Variants in ZCWPW2 observed in about 807,000 individuals in gnomAD.
ZCWPW2 encodes zinc finger CW-type and PWWP domain containing 2, also known as zinc finger CW-type PWWP domain protein 2.
A neutral mutation model predicts 46.6 loss-of-function variants in ZCWPW2; 45 were observed. That is an observed-to-expected ratio of 0.96 (90% CI 0.76 to 1.24). The LOEUF (loss-of-function observed/expected upper bound fraction) is 1.24, where lower values mean the gene tolerates loss of function less well. ZCWPW2 is among the 50% of genes most tolerant of loss of function. The pLI is 0.00. For synonymous variants in ZCWPW2, 152 were observed against 137.1 expected (o/e 1.11, Z -0.76); for missense variants, 429 against 403.9 (o/e 1.06, Z -0.53).
chr3:28,442,578 G>T (rs1020564415), intron 4 of ZCWPW2, among the ~76,000 whole-genome samples: 5 of 152,234 alleles, frequency 3.3e-5, no homozygotes, highest in African/African-American at 7.2e-5. Flanking sequence ...TACTGGCCTT[G>T]CCAGCTGAAG....
intron 4 of ZCWPW2, among the ~76,000 whole-genome samples, chr3:28,472,068 A>C (rs1044104324): frequency 2.0e-5 from 3 of 152,162 alleles, no homozygotes; most frequent in African/African-American, 7.2e-5. Context: ...TGATGCAAGA[A>C]ATTGGAGGAC....
At chr3:28,356,373 T>G (rs930586134) in intron 1 of ZCWPW2, among the ~76,000 whole-genome samples, 19 of 152,332 alleles carry the variant, frequency 1.2e-4, no homozygotes, top group South Asian at 6.2e-4. Context: ...GGAGAGGATG[T>G]GGAGCAATAG....
At chr3:28,455,007 G>A (rs1698371002) in intron 4 of ZCWPW2, among the ~76,000 whole-genome samples, 1 of 152,084 alleles carries the variant, frequency 6.6e-6, no homozygotes, top group African/African-American at 2.4e-5. Context: ...CCTAGTAATG[G>A]GATTGCTAGG....
In ZCWPW2 at chr3:28,478,880, G is replaced by A. The variant is rs1357634427; in HGVS notation, c.559G>A (p.Gly187Arg). The change falls in exon 5 of 10, where the codon GGA becomes AGA. Residue 187 changes from glycine to arginine, a missense_variant. Gly to Arg is a moderately radical substitution (Grantham distance 125). Coordinates refer to ENST00000383768, the MANE Select transcript of ZCWPW2 (RefSeq NM_001040432.4). ...ACTACAAGAAGCATGTCTACTCTATGGATATTCTCATGAGCAAAGACTGGA... is the reference window on the plus strand; with the variant it reads ...ACTACAAGAAGCATGTCTACTCTATAGATATTCTCATGAGCAAAGACTGGA... Reference protein sequence around the residue: ...SALQEACLLYGYSHEQRLEMC... With the variant: ...SALQEACLLYRYSHEQRLEMC... 2.5e-6 allele frequency: 4 copies of A among 1,588,756 alleles called. No homozygotes were observed. Among genetic ancestry groups the A allele is most frequent in the Non-Finnish European group, 3.4e-6 (4 of 1,171,202 alleles).
intron 3 of ZCWPW2, among the ~76,000 whole-genome samples, chr3:28,433,629 G>A (rs1036888074): frequency 1.3e-5 from 2 of 151,894 alleles, no homozygotes; most frequent in Non-Finnish European, 1.5e-5. Flanking sequence ...GGTGGCAGGC[G>A]CCTGTAATCC....
intron 9 of ZCWPW2, among the ~76,000 whole-genome samples, chr3:28,524,297 A>T (rs1466546219): frequency 6.6e-6 from 1 of 152,054 alleles, no homozygotes; most frequent in Non-Finnish European, 1.5e-5. Flanking sequence ...CATAAAATTA[A>T]AACTAAAAAT....
intron 5 of ZCWPW2, among the ~76,000 whole-genome samples, chr3:28,490,302 G>A (rs1281154963): frequency 1.3e-5 from 2 of 152,072 alleles, no homozygotes; most frequent in African/African-American, 2.4e-5. Flanking sequence ...ATTTGACCCA[G>A]CAATCCCATT....
rs571943449 is a variant in ZCWPW2 at position 28,455,709 on chromosome 3, C to A, written c.492+20440C>A. 4.6e-5 allele frequency among the ~76,000 whole-genome samples: 7 copies of A among 152,216 alleles called. No homozygotes were observed. The South Asian group carries it at 1.5e-3, about 32-fold the overall frequency. The stretch of plus-strand genomic sequence containing the variant: ...GTTTCAATTTTCTAGATATGGCTAG[C>A]CAGTTCTCCCAGTAGCTTCTATTAA... On this transcript the variant is annotated intron_variant, in intron 4 of 9. Transcript: ENST00000383768.
chr3:28,425,098 G>C (rs914927509), intron 3 of ZCWPW2, among the ~76,000 whole-genome samples: 1 of 152,136 alleles, frequency 6.6e-6, no homozygotes, highest in African/African-American at 2.4e-5. Context: ...TTCTTTTGCA[G>C]TGTTGTGCTA....
intron 3 of ZCWPW2, among the ~76,000 whole-genome samples, chr3:28,426,934 C>T (rs1455217288): frequency 6.6e-6 from 1 of 152,200 alleles, no homozygotes; most frequent in Non-Finnish European, 1.5e-5. Context: ...ATCATTTCTA[C>T]TGGATAACAA....
intron 2 of ZCWPW2, among the ~76,000 whole-genome samples, chr3:28,398,719 T>A (rs1421251463): frequency 3.3e-5 from 5 of 152,178 alleles, no homozygotes; most frequent in Non-Finnish European, 7.3e-5. Context: ...CGTCCTTACC[T>A]GGAGCTGAGT....
chr3:28,413,022 T>A, intron 2 of ZCWPW2, 34 bp from the exon 3 acceptor site: 1 of 1,527,190 alleles, frequency 6.5e-7, no homozygotes, highest in Non-Finnish European at 8.8e-7. Context: ...TCTTGAATCC[T>A]CATTCTGTTA....
chr3:28,458,443 T>C (rs543657594), intron 4 of ZCWPW2, among the ~76,000 whole-genome samples: 1 of 152,320 alleles, frequency 6.6e-6, no homozygotes, highest in African/African-American at 2.4e-5. Context: ...CTTCTCTCTA[T>C]TGTGAATAGA....
intron 6 of ZCWPW2, among the ~76,000 whole-genome samples, chr3:28,508,039 T>C (rs946401646): frequency 1.3e-5 from 2 of 152,110 alleles, no homozygotes; most frequent in East Asian, 3.8e-4. Context: ...ACAAGAAGAA[T>C]GGTACTGGTA....
intron 5 of ZCWPW2, among the ~76,000 whole-genome samples, chr3:28,489,550 G>A (rs757710025): frequency 4.6e-5 from 7 of 151,798 alleles, no homozygotes; most frequent in African/African-American, 7.3e-5. Flanking sequence ...GAAGAATGGT[G>A]GAGTCACCTA....
chr3:28,387,805 A>G (rs908031030), intron 1 of ZCWPW2, among the ~76,000 whole-genome samples: 5 of 152,236 alleles, frequency 3.3e-5, no homozygotes, highest in African/African-American at 1.2e-4. Flanking sequence ...ATGTAATTTT[A>G]GAATCTAACC....
At chr3:28,456,309 A>G (rs913479623) in intron 4 of ZCWPW2, among the ~76,000 whole-genome samples, 2 of 151,970 alleles carry the variant, frequency 1.3e-5, no homozygotes, top group African/African-American at 4.8e-5. Context: ...AATGCTAGCA[A>G]TTTTTGCATA....
chr3:28,478,068 A>G (rs1340751273), intron 4 of ZCWPW2, among the ~76,000 whole-genome samples: 30 of 152,110 alleles, frequency 2.0e-4, no homozygotes, highest in Admixed American at 2.0e-3. Flanking sequence ...TTATTATGCC[A>G]TGAAACTATA....
At chr3:28,427,845 C>A (rs1697079880) in intron 3 of ZCWPW2, 2 of 152,228 alleles carry the variant, frequency 1.3e-5, no homozygotes, top group South Asian at 4.2e-4. Flanking sequence ...TATTGCTTGA[C>A]AATAATCCTT....
Sources: gnomAD v4.1 joint callset for allele counts (sites outside exome capture counted in the v4.1 genomes callset) on GRCh38, gnomAD v4.1.1 for gene constraint, MANE v1.5 for transcripts, NCBI Gene and HGNC (gene_info 2026-07-23, HGNC 2026-07-21) for gene names.